The following PARD3B variants were observed in gnomAD, a reference collection of about 807,000 sequenced individuals.
PARD3B encodes partitioning defective 3 homolog B.
In PARD3B, 103 loss-of-function variants were observed where a neutral mutation model predicts 130.2. That is an observed-to-expected ratio of 0.79 (90% CI 0.67 to 0.93). The LOEUF (loss-of-function observed/expected upper bound fraction) is 0.93. PARD3B is among the 40% of genes least tolerant of loss of function. The probability of loss-of-function intolerance (pLI) is 0.00; values close to 1 mark genes in which losing one functional copy is unlikely to be tolerated. For missense variants in PARD3B, 1,609 were observed against 1,499.2 expected (o/e 1.07, Z -1.21); for synonymous variants, 583 against 553.2 (o/e 1.05, Z -0.76).
chr2:205,373,740 C>G (rs565006782), intron 18 of PARD3B, among the ~76,000 whole-genome samples: 52 of 152,180 alleles, frequency 3.4e-4, no homozygotes, highest in African/African-American at 1.2e-3. Context: ...TTTCTTGATC[C>G]GCAACTGTGA....
At chr2:204,665,296 A>G (rs1461301108) in intron 1 of PARD3B, among the ~76,000 whole-genome samples, 1 of 152,116 alleles carries the variant, frequency 6.6e-6, no homozygotes, top group Non-Finnish European at 1.5e-5. Flanking sequence ...CTGCCTGGGA[A>G]TGACCCACCC....
At chr2:204,983,994 A>G (rs1476996708) in intron 3 of PARD3B, among the ~76,000 whole-genome samples, 1 of 152,072 alleles carries the variant, frequency 6.6e-6, no homozygotes, top group Non-Finnish European at 1.5e-5. Context: ...CCTCTCTAAA[A>G]AGAAAAAAAA....
chr2:204,844,997 G>T (rs1305557256), intron 2 of PARD3B, among the ~76,000 whole-genome samples: 1 of 152,064 alleles, frequency 6.6e-6, no homozygotes, highest in Non-Finnish European at 1.5e-5. Context: ...AAAGATGCAG[G>T]ATTTTCAAGA....
rs1038423826 is a variant in PARD3B, at chr2:204,983,096, A to G, written c.394+17773A>G. ...TCTACCTGATTGAGTATTTTTCAGGAGGTTGTTACTGCTGTTTTCTTAGCT... is the reference window on the plus strand; with the variant it reads ...TCTACCTGATTGAGTATTTTTCAGGGGGTTGTTACTGCTGTTTTCTTAGCT... On this transcript the variant is annotated intron_variant, in intron 3 of 22. Coordinates refer to ENST00000406610, the MANE Select transcript of PARD3B (RefSeq NM_001302769.2). 3.3e-5 allele frequency among the ~76,000 whole-genome samples: 5 copies of G among 152,104 alleles called. 1 individual carries two copies. Among genetic ancestry groups the G allele is most frequent in the Middle Eastern group, 6.8e-3 (2 of 294 alleles).
At chr2:204,690,926 A>T (rs907212931) in intron 2 of PARD3B, among the ~76,000 whole-genome samples, 8 of 152,102 alleles carry the variant, frequency 5.3e-5, no homozygotes, top group African/African-American at 1.7e-4. Context: ...ATCACAAATG[A>T]TCCTCAGTTT....
Position 205,550,832 on chromosome 2 carries a change from T to C in PARD3B, c.3181-2492T>C, listed in dbSNP as rs1157909841. ...TTTATATGTATATATGTATATTTTATGTATATTTGAATATTTTATATGTAT... is the reference window on the plus strand; with the variant it reads ...TTTATATGTATATATGTATATTTTACGTATATTTGAATATTTTATATGTAT... On this transcript the variant is annotated intron_variant, in intron 21 of 22. Coordinates refer to ENST00000406610, the MANE Select transcript of PARD3B (RefSeq NM_001302769.2). The surrounding 1 kb of genome is among the most constrained non-coding windows in gnomAD (Gnocchi z 4.5). Among the ~76,000 whole-genome samples the C allele has an allele frequency of 6.7e-6, 1 of 148,976 alleles. No individual in the cohort carries two copies. The highest frequency in any genetic ancestry group is 2.4e-5 in the African/African-American group (1 of 40,838).
intron 10 of PARD3B, among the ~76,000 whole-genome samples, chr2:205,155,656 C>T (rs2034071381): frequency 6.6e-6 from 1 of 152,134 alleles, no homozygotes; most frequent in African/African-American, 2.4e-5. Context: ...AGTTTACAGT[C>T]CGACAAATAT....
chr2:205,560,812 T>C (rs1025433893), intron 22 of PARD3B, among the ~76,000 whole-genome samples: 1 of 152,242 alleles, frequency 6.6e-6, no homozygotes, highest in African/African-American at 2.4e-5. Context: ...TGAGTGTGGA[T>C]AGAAAGAGCA....
intron 20 of PARD3B, among the ~76,000 whole-genome samples, chr2:205,483,525 A>T (rs1008857996): frequency 2.0e-5 from 3 of 152,230 alleles, no homozygotes; most frequent in Non-Finnish European, 4.4e-5. Flanking sequence ...GTGAGTATCC[A>T]TTAAGCAGCT....
intron 1 of PARD3B, among the ~76,000 whole-genome samples, chr2:204,634,333 A>G (rs781585162): frequency 1.3e-5 from 2 of 152,174 alleles, no homozygotes; most frequent in Non-Finnish European, 2.9e-5. Flanking sequence ...TCATATTTTT[A>G]TGGCTGAATA....
chr2:205,287,186 A>G lies in PARD3B; in HGVS notation c.2186-13344A>G, dbSNP rs990651588. Among the ~76,000 whole-genome samples, 4 of 152,234 alleles carry G rather than the reference A, an allele frequency of 2.6e-5. No homozygotes were observed. The highest frequency in any genetic ancestry group is 2.6e-4 in the Admixed American group (4 of 15,284). ...CAAGTGTCCGACCTGAGCAGAAACA[A>G]CTGGTGGTAACATGGATTGTTATGT... On this transcript the variant is annotated intron_variant, in intron 16 of 22. Transcript: ENST00000406610. This position sits in a 1 kb window ranked among gnomAD's most constrained non-coding sequence, Gnocchi z 4.8.
intron 22 of PARD3B, among the ~76,000 whole-genome samples, chr2:205,579,239 C>G (rs1015182006): frequency 6.6e-6 from 1 of 151,940 alleles, no homozygotes; most frequent in Non-Finnish European, 1.5e-5. Context: ...GAGGAATGTC[C>G]GAGTTAAAGA....
At chr2:205,031,943 C>T (rs189534431) in intron 3 of PARD3B, among the ~76,000 whole-genome samples, 4 of 152,254 alleles carry the variant, frequency 2.6e-5, no homozygotes, top group Admixed American at 2.0e-4. Context: ...TCCTGTGCCT[C>T]TCAAAAATCT....
intron 15 of PARD3B, among the ~76,000 whole-genome samples, chr2:205,234,276 T>C (rs2125899960): frequency 6.6e-6 from 1 of 152,288 alleles, no homozygotes; most frequent in African/African-American, 2.4e-5. Flanking sequence ...GCTGTGATCA[T>C]GGCATTGCTC....
At chr2:205,303,377 T>G (rs1540368) in intron 18 of PARD3B, among the ~76,000 whole-genome samples, 2 of 151,980 alleles carry the variant, frequency 1.3e-5, no homozygotes, top group Non-Finnish European at 2.9e-5. Flanking sequence ...CAGTCACTAA[T>G]GTAGGTGATT....
chr2:205,235,271 A>G (rs1346495475), intron 15 of PARD3B, among the ~76,000 whole-genome samples: 2 of 152,030 alleles, frequency 1.3e-5, no homozygotes, highest in Admixed American at 6.6e-5. Flanking sequence ...AAATACAAAA[A>G]GTTAGTCGGG....
intron 15 of PARD3B, among the ~76,000 whole-genome samples, chr2:205,222,923 T>C (rs1559557584): frequency 6.6e-6 from 1 of 152,226 alleles, no homozygotes; most frequent in East Asian, 1.9e-4. Flanking sequence ...CTGTTTATTT[T>C]GTAAAGATGA....
chr2:204,862,503 A>T (rs994812399), intron 2 of PARD3B, among the ~76,000 whole-genome samples: 3 of 152,004 alleles, frequency 2.0e-5, no homozygotes, highest in Non-Finnish European at 4.4e-5. Context: ...TTACCACTGG[A>T]CTCCTTTGCC....
At chr2:205,573,386 T>C (rs2053627699) in intron 22 of PARD3B, among the ~76,000 whole-genome samples, 2 of 151,978 alleles carry the variant, frequency 1.3e-5, no homozygotes, top group Admixed American at 6.6e-5. Flanking sequence ...ATTCTCCTCA[T>C]AGATGAGGAA....
Sources: gnomAD v4.1 joint callset for allele counts (sites outside exome capture counted in the v4.1 genomes callset) on GRCh38, gnomAD v4.1.1 for gene constraint, Gnocchi (gnomAD v3.1) non-coding constraint, MANE v1.5 for transcripts, NCBI Gene and HGNC (gene_info 2026-07-23, HGNC 2026-07-21) for gene names.